DAB1: variants seen among roughly 807,000 people sequenced by gnomAD.
DAB1 encodes disabled homolog 1.
A neutral mutation model predicts 64.6 loss-of-function variants in DAB1; 15 were observed. The ratio of observed to expected loss-of-function variants is 0.23; its 90% CI spans 0.16 to 0.36. The LOEUF is 0.36. DAB1 is among the 10% of genes least tolerant of loss of function. The pLI, the probability that DAB1 is intolerant of heterozygous loss-of-function variation, is 1.00. For missense variants in DAB1, 596 were observed against 706.7 expected, an observed-to-expected ratio of 0.84 and a Z score of 1.78; for synonymous variants, 235 against 251.9, an observed-to-expected ratio of 0.93 and a Z score of 0.64.
chr1:57,106,254 A>G (rs1655132463), intron 4 of DAB1, among the ~76,000 whole-genome samples: 1 of 87,684 alleles, frequency 1.1e-5, no homozygotes, highest in African/African-American at 4.3e-5. Flanking sequence ...TTATCCCCCT[A>G]ACACCCCCCC....
At chr1:57,384,045 A>T (rs1024400728) in intron 1 of DAB1, among the ~76,000 whole-genome samples, 2 of 152,208 alleles carry the variant, frequency 1.3e-5, no homozygotes, top group African/African-American at 2.4e-5. Context: ...TTACAACTCA[A>T]CAAGAACAAG....
At chr1:57,785,002 C>T (rs529181562) in intron 6 of DAB1, among the ~76,000 whole-genome samples, 4 of 152,252 alleles carry the variant, frequency 2.6e-5, no homozygotes, top group South Asian at 4.1e-4. Context: ...TTGAGGCTAA[C>T]GTAGCTGGAG....
At chr1:57,209,119 G>T (rs61257570) in intron 2 of DAB1, among the ~76,000 whole-genome samples, 5,710 of 152,260 alleles carry the variant, frequency 0.038, 123 homozygotes, top group African/African-American at 0.066. Context: ...GAGGCTTACT[G>T]AACAGAACAA....
At chr1:57,883,686 T>G (rs115165275) in intron 1 of DAB1, among the ~76,000 whole-genome samples, 1 of 152,224 alleles carries the variant, frequency 6.6e-6, no homozygotes, top group Non-Finnish European at 1.5e-5. Context: ...TTCCCTTAAA[T>G]TGGTTTTATT....
intron 2 of DAB1, among the ~76,000 whole-genome samples, chr1:58,511,031 G>A (rs898482371): frequency 3.3e-5 from 5 of 152,000 alleles, no homozygotes; most frequent in South Asian, 2.1e-4. Context: ...ACTTAATATC[G>A]TTAAAATATC....
chr1:57,145,217 TA>T, intron 3 of DAB1, 72 bp downstream of exon 3: 1 of 1,431,158 alleles, frequency 7.0e-7, no homozygotes, highest in South Asian at 1.2e-5. Flanking sequence ...TATTTACAAT[TA>T]TGATGGTAAT....
intron 1 of DAB1, among the ~76,000 whole-genome samples, chr1:57,857,551 C>T (rs969116305): frequency 1.3e-5 from 2 of 152,064 alleles, no homozygotes; most frequent in South Asian, 2.1e-4. Context: ...GAGACAGGTA[C>T]TATTATTACC....
intron 4 of DAB1, among the ~76,000 whole-genome samples, chr1:58,265,496 T>C (rs1326480312): frequency 6.6e-6 from 1 of 152,248 alleles, no homozygotes; most frequent in Admixed American, 6.5e-5. Flanking sequence ...CATTGCACTG[T>C]AGTCTCATCC....
At chr1:57,224,047 A>G (rs1667081852) in intron 2 of DAB1, among the ~76,000 whole-genome samples, 1 of 152,172 alleles carries the variant, frequency 6.6e-6, no homozygotes, top group African/African-American at 2.4e-5. Flanking sequence ...CCTTGCACTT[A>G]GAACTTTACA....
At chr1:57,937,404 A>C (rs1053162588) in intron 5 of DAB1, among the ~76,000 whole-genome samples, 2 of 152,152 alleles carry the variant, frequency 1.3e-5, no homozygotes, top group African/African-American at 4.8e-5. Context: ...AACTATGCTC[A>C]TGAGAGAAGG....
At chr1:57,897,761 T>C (rs532802134) in intron 5 of DAB1, among the ~76,000 whole-genome samples, 1 of 152,224 alleles carries the variant, frequency 6.6e-6, no homozygotes, top group South Asian at 2.1e-4. Flanking sequence ...AGGAGGAGCT[T>C]TGGACACCTT....
At chr1:57,155,312 CT>C (rs1256388769) in intron 2 of DAB1, among the ~76,000 whole-genome samples, 2 of 152,026 alleles carry the variant, frequency 1.3e-5, no homozygotes, top group Admixed American at 1.3e-4. Flanking sequence ...TTCTTGGTAA[CT>C]TTGTTGAAAA....
intron 7 of DAB1, among the ~76,000 whole-genome samples, chr1:57,551,741 T>A (rs953870483): frequency 1.3e-5 from 2 of 152,192 alleles, no homozygotes; most frequent in Admixed American, 6.5e-5. Flanking sequence ...GGAGTTTGCA[T>A]AAGTGGTGTG....
chr1:57,736,548 C>T (rs535470710), intron 6 of DAB1, among the ~76,000 whole-genome samples: 3 of 152,272 alleles, frequency 2.0e-5, no homozygotes, highest in African/African-American at 4.8e-5. Flanking sequence ...TATTTCACCC[C>T]TTTGAGGATC....
intron 7 of DAB1, among the ~76,000 whole-genome samples, chr1:57,555,391 GTTTT>G (rs11303581): frequency 3.1e-5 from 4 of 128,810 alleles, no homozygotes; most frequent in African/African-American, 1.1e-4. Context: ...CTGTCTCTGG[GTTTT>G]TTTTTTTTTT....
chr1:58,093,744 C>T (rs1266769849), intron 5 of DAB1, among the ~76,000 whole-genome samples: 1 of 150,762 alleles, frequency 6.6e-6, no homozygotes, highest in East Asian at 1.9e-4. Context: ...AGTCTAAGAA[C>T]AGCAACCTAA....
In DAB1 at chr1:58,008,066, G is replaced by T. The variant is rs183269597; in HGVS notation, n.388-123904C>A. ...AAGAGAAAAAGAATCACTATGCATG[G>T]AATACCTACTATTACTGTTTGTCAG... On this transcript the variant is annotated intron_variant and non_coding_transcript_variant, in intron 5 of 20. Transcript: ENST00000485760. 1.3e-3 allele frequency among the ~76,000 whole-genome samples: 197 copies of T among 152,224 alleles called. 2 individuals carry two copies. In the Middle Eastern group the frequency reaches 0.02, roughly 16 times the overall value.
chr1:57,233,293 C>G (rs1335803854), intron 2 of DAB1, among the ~76,000 whole-genome samples: 1 of 60,232 alleles, frequency 1.7e-5, no homozygotes, highest in African/African-American at 4.5e-5. Flanking sequence ...GACGGAGTCT[C>G]GCTCTGTCGC....
intron 2 of DAB1, among the ~76,000 whole-genome samples, chr1:57,217,994 C>T (rs913558091): frequency 1.3e-5 from 2 of 152,092 alleles, no homozygotes; most frequent in Admixed American, 1.3e-4. Flanking sequence ...TAATCAGTGG[C>T]CTCCAGGAAC....
Sources: gnomAD v4.1 joint callset for allele counts (sites outside exome capture counted in the v4.1 genomes callset) on GRCh38, gnomAD v4.1.1 for gene constraint, MANE v1.5 for transcripts, NCBI Gene and HGNC (gene_info 2026-07-23, HGNC 2026-07-21) for gene names.